ANK3: variants seen among roughly 807,000 people sequenced by gnomAD.
ANK3 encodes the protein ankyrin-3.
ANK3 carries 57 observed loss-of-function variants against 370.9 expected under a neutral mutation model. The ratio of observed to expected loss-of-function variants is 0.15; its 90% confidence interval spans 0.12 to 0.19. The LOEUF (loss-of-function observed/expected upper bound fraction) is 0.19. Ranked by LOEUF, ANK3 falls within the 10% of genes least tolerant of loss-of-function variation. The pLI is 1.00. For synonymous variants in ANK3, 1,929 were observed against 1,946.3 expected (o/e 0.99, Z 0.23); for missense variants, 4,439 against 5,302.1 (o/e 0.84, Z 5.06).
intron 23 of ANK3, among the ~76,000 whole-genome samples, chr10:60,153,109 G>A (rs928911286): frequency 2.0e-5 from 3 of 152,154 alleles, no homozygotes; most frequent in African/African-American, 7.2e-5. Context: ...TGTGGTACAG[G>A]CAGACAATGG....
rs12252658 is a variant in ANK3 at position 60,549,394 on chromosome 10, A to G, written c.96+65792T>C. On this transcript the variant is annotated intron_variant, in intron 2 of 43. Coordinates refer to the ANK3 transcript ENST00000373827. ...TGCTATTAACTTACTGCAGTTTAATATTTTATTCTTATTCTTCAACAGTAT... is the reference window on the plus strand; with the variant it reads ...TGCTATTAACTTACTGCAGTTTAATGTTTTATTCTTATTCTTCAACAGTAT... Among the ~76,000 whole-genome samples the G allele has an allele frequency of 7.9e-3, 1,203 of 152,292 alleles. 16 individuals carry two copies. Among genetic ancestry groups the G allele is most frequent in the African/African-American group, 0.027 (1,122 of 41,576 alleles).
At chr10:60,655,142 T>C (rs1016296157) in intron 1 of ANK3, among the ~76,000 whole-genome samples, 1 of 152,138 alleles carries the variant, frequency 6.6e-6, no homozygotes, top group Admixed American at 6.5e-5. Flanking sequence ...ATTATGTTAC[T>C]GCTTTATGTA....
At position 60,539,192 on chromosome 10, in the gene ANK3, G is replaced by A. The variant is rs536567965; in HGVS notation, c.96+75994C>T. ...GTCACAATTATGTCGACATTATCTT[G>A]AAATAGAAATCTATGAAAATAGAAC... On this transcript the variant is annotated intron_variant, in intron 2 of 43. Transcript: ENST00000373827. 7.2e-5 allele frequency among the ~76,000 whole-genome samples: 11 copies of A among 151,966 alleles called. No homozygotes were observed. In the South Asian group the frequency reaches 2.3e-3, roughly 32 times the overall value.
At chr10:60,685,149 T>A in intron 1 of ANK3, 1 of 680,392 alleles carries the variant, frequency 1.5e-6, no homozygotes, top group Non-Finnish European at 2.3e-6. Context: ...GAAAAGTGTC[T>A]ACAGCCTGGT....
intron 1 of ANK3, among the ~76,000 whole-genome samples, chr10:60,311,409 T>A (rs890799193): frequency 1.3e-5 from 2 of 150,500 alleles, no homozygotes; most frequent in African/African-American, 4.9e-5. Context: ...TACTAAATGA[T>A]TAGTGAGTTC....
chr10:60,512,598 A>G (rs1189701803), intron 2 of ANK3, among the ~76,000 whole-genome samples: 4 of 152,114 alleles, frequency 2.6e-5, no homozygotes, highest in Non-Finnish European at 5.9e-5. Flanking sequence ...GGATGCTATC[A>G]ATTTCCTGGC....
intron 1 of ANK3, among the ~76,000 whole-genome samples, chr10:60,725,222 T>C (rs1032731978): frequency 6.6e-6 from 1 of 152,180 alleles, no homozygotes; most frequent in African/African-American, 2.4e-5. Flanking sequence ...ATTCCTTATG[T>C]TTATCTAATC....
At chr10:60,358,969 C>T (rs984604151) in intron 1 of ANK3, among the ~76,000 whole-genome samples, 1 of 152,280 alleles carries the variant, frequency 6.6e-6, no homozygotes, top group Admixed American at 6.5e-5. Context: ...TACCTACCCA[C>T]CTTAGCCGAG....
chr10:60,235,550 G>GTTTTTT (rs72388493), intron 7 of ANK3, among the ~76,000 whole-genome samples: 6 of 115,060 alleles, frequency 5.2e-5, no homozygotes, highest in East Asian at 2.6e-4. Flanking sequence ...CTGATTTCTT[G>GTTTTTT]TTTTTTTTTT....
chr10:60,218,117 T>G (rs2096974528), intron 8 of ANK3, among the ~76,000 whole-genome samples: 2 of 133,918 alleles, frequency 1.5e-5, no homozygotes, highest in Non-Finnish European at 3.2e-5. Flanking sequence ...TTTTTTTTTT[T>G]GCTTTCCATT....
intron 41 of ANK3, among the ~76,000 whole-genome samples, chr10:60,057,018 A>AG (rs1196154387): frequency 6.6e-6 from 1 of 152,226 alleles, no homozygotes. Flanking sequence ...TCTCCAAAAA[A>AG]GAACAAAACA....
chr10:60,482,493 A>G (rs2075248437), intron 2 of ANK3, among the ~76,000 whole-genome samples: 2 of 142,082 alleles, frequency 1.4e-5, no homozygotes, highest in Admixed American at 1.5e-4. Context: ...CTCTCTAACA[A>G]CATTTTTTTT....
chr10:60,406,742 T>C (rs1468276148), intron 2 of ANK3, among the ~76,000 whole-genome samples: 1 of 152,244 alleles, frequency 6.6e-6, no homozygotes, highest in Non-Finnish European at 1.5e-5. Context: ...ATCTGGTTTT[T>C]CCTATCACTT....
chr10:60,483,749 C>A (rs918507792), intron 2 of ANK3, among the ~76,000 whole-genome samples: 6 of 152,168 alleles, frequency 3.9e-5, no homozygotes, highest in Admixed American at 2.6e-4. Context: ...GGAGCCCTCA[C>A]CATGGGCCCA....
intron 2 of ANK3, among the ~76,000 whole-genome samples, chr10:60,569,463 C>T (rs1034297738): frequency 6.6e-6 from 1 of 152,050 alleles, no homozygotes; most frequent in Non-Finnish European, 1.5e-5. Flanking sequence ...CAAGCAAATC[C>T]TTCTTTGATA....
chr10:60,486,456 T>G (rs1456467975), intron 2 of ANK3, among the ~76,000 whole-genome samples: 1 of 152,176 alleles, frequency 6.6e-6, no homozygotes, highest in Non-Finnish European at 1.5e-5. Flanking sequence ...TGTGCGCACC[T>G]GTAGTCCTAG....
chr10:60,256,191 C>T (rs1019083979), intron 7 of ANK3, among the ~76,000 whole-genome samples: 26 of 152,164 alleles, frequency 1.7e-4, no homozygotes, highest in Admixed American at 2.0e-4. Flanking sequence ...TGGGGACTTA[C>T]GGGAGAAATT....
Position 60,068,601 on chromosome 10 carries a change from A to T in ANK3, c.12244+36T>A, listed in dbSNP as rs752558776. 3.2e-6 allele frequency: 5 copies of T among 1,551,258 alleles called. No homozygotes were observed. The East Asian group carries it at 6.8e-5, about 21-fold the overall frequency. On this transcript the variant is annotated intron_variant, in intron 37 of 43. Coordinates refer to ENST00000280772, the MANE Select transcript of ANK3 (RefSeq NM_020987.5). ...TATGCTCGTTCTCCAGGATGTGAGC[A>T]GAGTGCTCGAGAGACCTGACTGCCT...
Position 60,177,235 on chromosome 10 carries a change from T to A in ANK3, c.2185-4049A>T, listed in dbSNP as rs190834976. On this transcript the variant is annotated intron_variant, in intron 18 of 43. Coordinates refer to ENST00000280772, the MANE Select transcript of ANK3 (RefSeq NM_020987.5). ...AATGGAGTGGATCCCGAGGGTTTTGTCTTTGGTTTGCGCCACACTTTTCCT... is the reference window on the plus strand; with the variant it reads ...AATGGAGTGGATCCCGAGGGTTTTGACTTTGGTTTGCGCCACACTTTTCCT... Among the ~76,000 whole-genome samples, 3 of 152,306 alleles carry A rather than the reference T, an allele frequency of 2.0e-5. No individual in the cohort carries two copies. In the East Asian group the frequency reaches 5.8e-4, roughly 29 times the overall value.
Sources: allele counts gnomAD v4.1 joint callset (sites outside exome capture counted in the v4.1 genomes callset), GRCh38; gene constraint gnomAD v4.1.1; transcripts MANE v1.5; gene names NCBI Gene and HGNC (gene_info 2026-07-23, HGNC 2026-07-21).